IMPG1: variants seen among roughly 807,000 people sequenced by gnomAD.
IMPG1 encodes the protein interphotoreceptor matrix proteoglycan 1.
IMPG1 carries 85 observed loss-of-function variants against 92.0 expected under a neutral mutation model. The ratio of observed to expected loss-of-function variants is 0.92; its 90% CI spans 0.78 to 1.11. IMPG1 has a LOEUF of 1.11. IMPG1 is among the 50% of genes least tolerant of loss of function. The pLI is 0.00. For synonymous variants in IMPG1, 367 were observed against 334.1 expected (o/e 1.10, Z -1.08); for missense variants, 1,022 against 956.0 (o/e 1.07, Z -0.91).
rs527349789 is a variant in IMPG1 at position 75,921,222 on chromosome 6, A to T, written c.*867T>A. Reference sequence around the variant, plus strand: ...GATTCATTTTCATTAAGCAGCACATAAAAAATGGACTGAATTGGATTACAT... The same window carrying T: ...GATTCATTTTCATTAAGCAGCACATTAAAAATGGACTGAATTGGATTACAT... On this transcript the variant is annotated 3_prime_UTR_variant, in exon 17 of 17. Coordinates refer to ENST00000369950, the MANE Select transcript of IMPG1 (RefSeq NM_001563.4). 1 of 152,206 alleles carries T rather than the reference A, an allele frequency of 6.6e-6. No homozygotes were observed. The highest frequency in any genetic ancestry group is 6.5e-5 in the Admixed American group (1 of 15,278). 9.4% of individuals were successfully genotyped at this position (152,206 alleles called of 1,614,324 possible). A position where few individuals can be genotyped will look rare whatever the true frequency, so the allele number is the denominator to read the frequency against.
In IMPG1 at chr6:75,930,852, C is replaced by T. The variant is rs113765894; in HGVS notation, c.2243+101G>A. 3.0e-4 allele frequency: 331 copies of T among 1,105,954 alleles called. 3 individuals are homozygous for T. The African/African-American group carries it at 3.5e-3, about 12-fold the overall frequency. The allele number at this position is 1,105,954 out of a possible 1,614,324, so 68.5% of individuals were successfully genotyped here. On this transcript the variant is annotated intron_variant, in intron 15 of 16. Coordinates refer to ENST00000369950, the MANE Select transcript of IMPG1 (RefSeq NM_001563.4). ...TTCTACACTCACTAAAGTTTAAAAA[C>T]CATGGGTTGAAAGGACCATATGAAT...
chr6:75,947,058 A>G (rs1781938915), intron 14 of IMPG1, among the ~76,000 whole-genome samples: 2 of 152,252 alleles, frequency 1.3e-5, no homozygotes, highest in Non-Finnish European at 2.9e-5. Context: ...GATTAAACTT[A>G]AAATTAAAGC....
chr6:76,034,762 T>G lies in IMPG1; in HGVS notation c.327A>C (p.Ala109=), dbSNP rs1279659309. Residue 109 remains alanine (A), a synonymous_variant, in exon 3 of 17, where the codon GCA becomes GCC. Coordinates refer to ENST00000369950, the MANE Select transcript of IMPG1 (RefSeq NM_001563.4). ...LRVCQEAVWE[A]YRIFLDRIPD... ...GGATGCGATCCAGAAAGATCCGATATGCTTCCCATACTGCTTCCTGACACA... is the reference window on the plus strand; with the variant it reads ...GGATGCGATCCAGAAAGATCCGATAGGCTTCCCATACTGCTTCCTGACACA... 1.2e-6 allele frequency: 2 copies of G among 1,614,124 alleles called. No individual in the cohort carries two copies. Among genetic ancestry groups the G allele is most frequent in the Non-Finnish European group, 8.5e-7 (1 of 1,180,010 alleles).
chr6:76,068,322 C>T (rs113660194), intron 1 of IMPG1, among the ~76,000 whole-genome samples: 3,896 of 152,086 alleles, frequency 0.026, 140 homozygotes, highest in African/African-American at 0.086. Flanking sequence ...CTAGATTTGA[C>T]AGATGAACTC....
intron 1 of IMPG1, among the ~76,000 whole-genome samples, chr6:76,065,945 G>T (rs1168247371): frequency 2.0e-5 from 3 of 152,074 alleles, no homozygotes; most frequent in African/African-American, 4.8e-5. Flanking sequence ...AAGAAAAACT[G>T]TCAACAATAA....
Position 76,036,334 on chromosome 6 carries a change from C to T in IMPG1, c.302-1547G>A, listed in dbSNP as rs79223774. Among the ~76,000 whole-genome samples, 1,399 of 152,252 alleles carry T rather than the reference C, an allele frequency of 9.2e-3. 21 individuals carry two copies. The highest frequency in any genetic ancestry group is 0.031 in the African/African-American group (1,295 of 41,548). ...GCTAAGGAAGCATAAGCTACAGATC[C>T]TTTTTTAACACTGATTTCTTCCAAA... On this transcript the variant is annotated intron_variant, in intron 2 of 16. Coordinates refer to ENST00000369950, the MANE Select transcript of IMPG1 (RefSeq NM_001563.4).
chr6:76,063,119 G>A (rs867833232), intron 1 of IMPG1, among the ~76,000 whole-genome samples: 52 of 152,084 alleles, frequency 3.4e-4, no homozygotes, highest in Admixed American at 1.2e-3. Flanking sequence ...CAGGCGAATC[G>A]CTGGAACACA....
chr6:76,034,989 ATAT>A (rs760473109), intron 2 of IMPG1, among the ~76,000 whole-genome samples: 2 of 151,832 alleles, frequency 1.3e-5, no homozygotes, highest in Non-Finnish European at 2.9e-5. Flanking sequence ...AAAATAGGGA[ATAT>A]TATGTGCGTG....
chr6:75,965,310 A>T (rs1273263595), intron 12 of IMPG1, among the ~76,000 whole-genome samples: 1 of 151,900 alleles, frequency 6.6e-6, no homozygotes, highest in East Asian at 1.9e-4. Flanking sequence ...CATTTCCACC[A>T]CCAGCAATGT....
intron 12 of IMPG1, among the ~76,000 whole-genome samples, chr6:75,989,013 T>A (rs758045638): frequency 6.6e-6 from 1 of 152,192 alleles, no homozygotes; most frequent in Non-Finnish European, 1.5e-5. Flanking sequence ...TCAGTTTTGT[T>A]CTATCTCACT....
chr6:75,983,482 C>T (rs1157110989), intron 12 of IMPG1, among the ~76,000 whole-genome samples: 2 of 152,254 alleles, frequency 1.3e-5, no homozygotes, highest in South Asian at 2.1e-4. Flanking sequence ...GGGGAAAGGA[C>T]AGTCTCTTCA....
intron 12 of IMPG1, among the ~76,000 whole-genome samples, chr6:75,956,906 GA>G (rs773361081): frequency 2.0e-5 from 3 of 151,920 alleles, no homozygotes; most frequent in Non-Finnish European, 4.4e-5. Flanking sequence ...GTATCATTTT[GA>G]GTGAGTTTCT....
At position 75,950,903 on chromosome 6, in the gene IMPG1, C is replaced by T; in HGVS notation, c.1483G>A (p.Gly495Arg). ...GAAGATGCAGGTGGATGTGAAATTC[C>T]CAGAGCCAGTTGGCTGATTGCAGAA... ...DYSAISQLAL[G>R]ISHPPASSDD... The change falls in exon 13 of 17, where the codon GGA becomes AGA. Residue 495 changes from glycine to arginine, a missense_variant. Gly to Arg is a moderately radical substitution (Grantham distance 125). Transcript: ENST00000369950. The T allele has an allele frequency of 6.2e-7, 1 of 1,613,936 alleles. No homozygotes were observed. Among genetic ancestry groups the T allele is most frequent in the African/African-American group, 1.3e-5 (1 of 75,018 alleles).
At chr6:75,982,552 T>G (rs1782644448) in intron 12 of IMPG1, among the ~76,000 whole-genome samples, 2 of 150,366 alleles carry the variant, frequency 1.3e-5, no homozygotes, top group South Asian at 4.2e-4. Flanking sequence ...TATCTATCTA[T>G]CTATCTATCT....
intron 4 of IMPG1, among the ~76,000 whole-genome samples, chr6:76,026,114 T>G (rs190474460): frequency 1.3e-5 from 2 of 151,026 alleles, no homozygotes; most frequent in African/African-American, 4.9e-5. Context: ...AGGGACTCTG[T>G]GCGGGAAGCA....
chr6:76,051,109 TAA>T (rs548367462), intron 1 of IMPG1, among the ~76,000 whole-genome samples: 3 of 148,456 alleles, frequency 2.0e-5, no homozygotes, highest in Non-Finnish European at 4.5e-5. Flanking sequence ...GACTGGAAGT[TAA>T]AAAAAAAACA....
intron 12 of IMPG1, among the ~76,000 whole-genome samples, chr6:75,982,334 A>G (rs1782640047): frequency 6.6e-6 from 1 of 152,178 alleles, no homozygotes; most frequent in African/African-American, 2.4e-5. Flanking sequence ...CAAGGTCAGG[A>G]GTTCGAGACC....
At chr6:76,039,760 G>T (rs1414780860) in intron 2 of IMPG1, among the ~76,000 whole-genome samples, 1 of 152,186 alleles carries the variant, frequency 6.6e-6, no homozygotes, top group African/African-American at 2.4e-5. Context: ...CTGTATAGCA[G>T]GAAATTTGGC....
intron 12 of IMPG1, among the ~76,000 whole-genome samples, chr6:75,961,532 ACAAAACAAAAAC>A (rs1782212456): frequency 6.6e-6 from 1 of 152,188 alleles, no homozygotes; most frequent in African/African-American, 2.4e-5. Context: ...AAGACAAAAA[ACAAAACAAAAAC>A]CAAAACAATA....
Sources: allele counts gnomAD v4.1 joint callset (sites outside exome capture counted in the v4.1 genomes callset), GRCh38; gene constraint gnomAD v4.1.1; transcripts MANE v1.5; gene names NCBI Gene and HGNC (gene_info 2026-07-23, HGNC 2026-07-21).